Variants in INPP4B observed in about 807,000 individuals in gnomAD.
INPP4B encodes the protein inositol polyphosphate-4-phosphatase type II B.
INPP4B carries 55 observed loss-of-function variants against 122.5 expected under a neutral mutation model. The observed-to-expected ratio is 0.45, with a 90% CI of 0.36 to 0.56. The LOEUF (loss-of-function observed/expected upper bound fraction) is 0.56, where lower values mean the gene tolerates loss of function less well. Ranked by LOEUF, INPP4B falls within the 20% of genes least tolerant of loss-of-function variation. The pLI, the probability that INPP4B is intolerant of heterozygous loss-of-function variation, is 0.00. For synonymous variants in INPP4B, 403 were observed against 388.7 expected (o/e 1.04, Z -0.43); for missense variants, 1,000 against 1,097.7 (o/e 0.91, Z 1.26).
At chr4:142,404,274 G>A (rs942716109) in intron 6 of INPP4B, among the ~76,000 whole-genome samples, 6 of 152,080 alleles carry the variant, frequency 3.9e-5, no homozygotes, top group Admixed American at 6.6e-5. Context: ...TTCCACCACC[G>A]CATCAAAGCA....
intron 18 of INPP4B, among the ~76,000 whole-genome samples, chr4:142,135,401 A>C (rs1803531365): frequency 6.6e-6 from 1 of 151,250 alleles, no homozygotes; most frequent in Non-Finnish European, 1.5e-5. Flanking sequence ...ACATTTTAGC[A>C]ATTTTTAACC....
chr4:142,455,435 C>G (rs1815192577), intron 3 of INPP4B, among the ~76,000 whole-genome samples: 1 of 151,918 alleles, frequency 6.6e-6, no homozygotes, highest in Admixed American at 6.6e-5. Flanking sequence ...CTGAGGTTGC[C>G]TGATTTCACT....
intron 7 of INPP4B, among the ~76,000 whole-genome samples, chr4:142,393,769 T>C (rs28844598): frequency 0.24 from 36,659 of 152,068 alleles, 4,945 homozygotes; most frequent in East Asian, 0.44. Flanking sequence ...CAAACTGTGG[T>C]CAAATAAGGC....
At chr4:142,112,437 T>G in intron 22 of INPP4B, 105 bp downstream of exon 22, 1 of 1,125,308 alleles carries the variant, frequency 8.9e-7, no homozygotes, top group Non-Finnish European at 1.3e-6. Flanking sequence ...AAAATGTTAC[T>G]CATAAATTGA....
intron 25 of INPP4B, among the ~76,000 whole-genome samples, chr4:142,072,516 A>T (rs1176892726): frequency 5.3e-5 from 8 of 151,648 alleles, no homozygotes; most frequent in Non-Finnish European, 1.2e-4. Context: ...CCAATGCAAC[A>T]GATGATATGA....
intron 15 of INPP4B, among the ~76,000 whole-genome samples, chr4:142,190,574 G>A (rs1042105410): frequency 5.9e-5 from 9 of 152,058 alleles, no homozygotes; most frequent in African/African-American, 2.2e-4. Context: ...GATCCACAAA[G>A]TTGTTTTTTA....
chr4:142,307,631 A>G (rs1244389976), intron 8 of INPP4B, among the ~76,000 whole-genome samples: 1 of 152,212 alleles, frequency 6.6e-6, no homozygotes, highest in Non-Finnish European at 1.5e-5. Context: ...AAACAATTTT[A>G]TAGTATGCAG....
chr4:142,721,061 G>A (rs1764597503), intron 2 of INPP4B, among the ~76,000 whole-genome samples: 1 of 151,118 alleles, frequency 6.6e-6, no homozygotes, highest in African/African-American at 2.4e-5. Flanking sequence ...TGTCTTCAAT[G>A]ATGTGATTCT....
At chr4:142,582,586 T>G (rs1422756826) in intron 2 of INPP4B, among the ~76,000 whole-genome samples, 4 of 152,120 alleles carry the variant, frequency 2.6e-5, no homozygotes, top group African/African-American at 4.8e-5. Flanking sequence ...TAGCTATGAA[T>G]AGCAGCTTAA....
intron 2 of INPP4B, chr4:142,514,500 G>A (rs1825158558): frequency 6.6e-6 from 1 of 152,060 alleles, no homozygotes; most frequent in South Asian, 2.1e-4. Flanking sequence ...AATTTATATT[G>A]CTGTTATTAT....
chr4:142,176,154 A>ATTAT (rs1561383360), intron 15 of INPP4B, among the ~76,000 whole-genome samples: 2 of 145,232 alleles, frequency 1.4e-5, no homozygotes, highest in Non-Finnish European at 1.5e-5. Context: ...TATTATTATT[A>ATTAT]TACTTTAAGT....
At chr4:142,094,446 C>T (rs1780958750) in intron 23 of INPP4B, among the ~76,000 whole-genome samples, 1 of 152,156 alleles carries the variant, frequency 6.6e-6, no homozygotes, top group South Asian at 2.1e-4. Flanking sequence ...AGTGCATTCT[C>T]CACACAGAAG....
intron 2 of INPP4B, among the ~76,000 whole-genome samples, chr4:142,485,650 G>A (rs1821112320): frequency 6.6e-6 from 1 of 152,014 alleles, no homozygotes; most frequent in Non-Finnish European, 1.5e-5. Flanking sequence ...TGCACAAACT[G>A]GTTTAATTAA....
At chr4:142,656,681 T>G (rs1033739389) in intron 2 of INPP4B, among the ~76,000 whole-genome samples, 1 of 152,174 alleles carries the variant, frequency 6.6e-6, no homozygotes, top group Non-Finnish European at 1.5e-5. Flanking sequence ...TAAACTTGTC[T>G]CCCTGGTGGA....
chr4:142,496,632 T>C (rs1822610225), intron 2 of INPP4B, among the ~76,000 whole-genome samples: 1 of 152,180 alleles, frequency 6.6e-6, no homozygotes. Flanking sequence ...CCTATTGCTT[T>C]AGATAAATTA....
At chr4:142,720,596 C>T (rs903360821) in intron 2 of INPP4B, among the ~76,000 whole-genome samples, 1 of 150,828 alleles carries the variant, frequency 6.6e-6, no homozygotes, top group African/African-American at 2.4e-5. Flanking sequence ...AGTTGTTTTA[C>T]TGCATTGTCT....
intron 9 of INPP4B, among the ~76,000 whole-genome samples, chr4:142,283,532 A>G (rs1477652641): frequency 6.6e-6 from 1 of 152,152 alleles, no homozygotes; most frequent in East Asian, 1.9e-4. Flanking sequence ...CCTAGATGAT[A>G]TAGTCTGCTA....
At chr4:142,815,992 TC>T (rs1007135833) in intron 1 of INPP4B, among the ~76,000 whole-genome samples, 36 of 152,306 alleles carry the variant, frequency 2.4e-4, no homozygotes, top group African/African-American at 8.4e-4. Flanking sequence ...AGGTCTGTTT[TC>T]TATTGTGAAG....
intron 9 of INPP4B, among the ~76,000 whole-genome samples, chr4:142,285,625 GTAAA>G (rs147639829): frequency 0.045 from 6,865 of 152,060 alleles, 488 homozygotes; most frequent in African/African-American, 0.16. Context: ...CAGTTTCTAG[GTAAA>G]TAAAGGGGAA....
Sources: allele counts gnomAD v4.1 joint callset (sites outside exome capture counted in the v4.1 genomes callset), GRCh38; gene constraint gnomAD v4.1.1; transcripts MANE v1.5; gene names NCBI Gene and HGNC (gene_info 2026-07-23, HGNC 2026-07-21).